Variants in ARMCX4 observed in about 807,000 individuals in gnomAD.
ARMCX4 encodes armadillo repeat-containing X-linked protein 4.
Under a neutral mutation model 34.7 loss-of-function variants are expected in ARMCX4, and 3 were observed. That is an observed-to-expected ratio of 0.09 (90% CI 0.04 to 0.22). The LOEUF is 0.22. Among genes scored for constraint, ARMCX4 ranks in the 10% least tolerant of loss-of-function variants. The pLI is 1.00. For synonymous variants in ARMCX4, 513 were observed against 632.8 expected, an observed-to-expected ratio of 0.81 and a Z score of 2.84; for missense variants, 1,448 against 1,720.8, an observed-to-expected ratio of 0.84 and a Z score of 2.81.
chrX:101,462,570 T>C (rs781851665), intron 4 of ARMCX4, among the ~76,000 whole-genome samples: 1 of 104,942 alleles, frequency 9.5e-6, no homozygotes, highest in Non-Finnish European at 2.0e-5. Context: ...AACCAGGGAG[T>C]TGGAGGTTGC....
intron 11 of ARMCX4, among the ~76,000 whole-genome samples, chrX:101,525,456 G>T (rs913179662): frequency 2.7e-5 from 3 of 111,998 alleles, no homozygotes; most frequent in Non-Finnish European, 5.6e-5. Context: ...AATGAAGCGG[G>T]ATGGAGAATG....
chrX:101,473,108 G>T (rs1387435385), intron 4 of ARMCX4, among the ~76,000 whole-genome samples: 26 of 111,263 alleles, frequency 2.3e-4, no homozygotes, highest in African/African-American at 8.5e-4. Context: ...AAGGGATGGA[G>T]GAAGATCTAC....
chrX:101,457,654 G>A (rs1932364775), intron 4 of ARMCX4, among the ~76,000 whole-genome samples: 1 of 110,925 alleles, frequency 9.0e-6, no homozygotes. Flanking sequence ...CCTGGGAGGT[G>A]GAGGCTGCAG....
chrX:101,519,581 A>T (rs1934808650), intron 11 of ARMCX4, among the ~76,000 whole-genome samples: 1 of 111,456 alleles, frequency 9.0e-6, no homozygotes, highest in Admixed American at 9.6e-5. Context: ...TTTGGTGGAC[A>T]TTTAGATTGT....
rs1934045460 is a variant in ARMCX4, at chrX:101,493,069, T to C, written c.4480T>C (p.Ser1494Pro). ...GDSRLGLRDQ[S>P]SGDSWAGTGD... is the part of the protein sequence containing the mutation. ...TTCTAGGCTGGGGCTTAGGGACCAG[T>C]CTAGTGGAGATTCCTGGGCTGGCAC... The change falls in exon 6 of 6, where the codon TCT becomes CCT. Residue 1494 changes from serine to proline, a missense_variant. Ser to Pro is a moderately conservative substitution (Grantham distance 74). This residue lies in a region of ARMCX4 where 1,343 missense variants were observed against 1,540.7 expected (regional missense o/e 0.87). Transcript: ENST00000423738. 1 of 1,151,094 alleles carries C rather than the reference T, an allele frequency of 8.7e-7. No individual in the cohort carries two copies. Among genetic ancestry groups the C allele is most frequent in the Admixed American group, 2.6e-5 (1 of 38,477 alleles). 94.9% of individuals were successfully genotyped at this position (1,151,094 alleles called of 1,213,427 possible).
chrX:101,496,567 AATTCTGGTATCC>A (rs2147681368), downstream of ARMCX4, among the ~76,000 whole-genome samples: 1 of 111,873 alleles, frequency 8.9e-6, no homozygotes, highest in East Asian at 2.8e-4. Context: ...CCTCTTTGCC[AATTCTGGTATCC>A]ATGTAAGTAA....
At chrX:101,497,947 G>A (rs1166304299), downstream of ARMCX4, among the ~76,000 whole-genome samples, 1 of 111,203 alleles carries the variant, frequency 9.0e-6, no homozygotes, top group Non-Finnish European at 1.9e-5. Context: ...CCAGGAGTGC[G>A]GCAAGTAGAC....
chrX:101,471,879 A>G (rs1932923028), intron 4 of ARMCX4, among the ~76,000 whole-genome samples: 1 of 109,767 alleles, frequency 9.1e-6, no homozygotes, highest in African/African-American at 3.3e-5. Flanking sequence ...GAAAAACTGG[A>G]AACTCTAAAA....
chrX:101,429,499 C>T (rs1032154991), intron 2 of ARMCX4, among the ~76,000 whole-genome samples: 83 of 109,386 alleles, frequency 7.6e-4, no homozygotes, highest in African/African-American at 2.6e-3. Context: ...CCATGCCTGG[C>T]TAATTTTTGT....
intron 2 of ARMCX4, among the ~76,000 whole-genome samples, chrX:101,441,747 T>C (rs1380055470): frequency 1.8e-5 from 2 of 111,232 alleles, no homozygotes; most frequent in African/African-American, 6.5e-5. Flanking sequence ...GCAAGATCAG[T>C]CAGAAAGTCT....
At chrX:101,467,554 G>A in intron 4 of ARMCX4, among the ~76,000 whole-genome samples, 1 of 112,066 alleles carries the variant, frequency 8.9e-6, no homozygotes, top group Non-Finnish European at 1.9e-5. Context: ...GGGTTAAGCT[G>A]GTGATGATGA....
downstream of ARMCX4, among the ~76,000 whole-genome samples, chrX:101,533,633 G>A (rs1464868165): frequency 2.7e-5 from 3 of 111,711 alleles, no homozygotes; most frequent in Non-Finnish European, 3.8e-5. Context: ...TAATCAAATT[G>A]TACTTAAAGT....
intron 11 of ARMCX4, among the ~76,000 whole-genome samples, chrX:101,524,969 C>T (rs1256691681): frequency 7.1e-5 from 8 of 111,966 alleles, no homozygotes; most frequent in Non-Finnish European, 1.5e-4. Flanking sequence ...GTAGTTTAGG[C>T]TCTGAGAATG....
downstream of ARMCX4, among the ~76,000 whole-genome samples, chrX:101,448,070 C>T (rs1931754406): frequency 9.0e-6 from 1 of 111,408 alleles, no homozygotes; most frequent in African/African-American, 3.3e-5. Flanking sequence ...TTTTAGCTCC[C>T]ACAAATAAGT....
intron 2 of ARMCX4, among the ~76,000 whole-genome samples, chrX:101,438,177 T>G (rs1299561069): frequency 1.8e-5 from 2 of 111,732 alleles, no homozygotes; most frequent in African/African-American, 6.5e-5. Context: ...GTCTATTAGG[T>G]CTTCTTGGTG....
intron 2 of ARMCX4, among the ~76,000 whole-genome samples, chrX:101,432,171 A>G (rs1555992185): frequency 2.7e-5 from 3 of 111,904 alleles, no homozygotes; most frequent in African/African-American, 9.8e-5. Flanking sequence ...TTATGGCTGT[A>G]GGCAGGTTCA....
At chrX:101,485,162 C>T (rs1933636704), upstream of ARMCX4, 1 of 111,429 alleles carries the variant, frequency 9.0e-6, no homozygotes, top group African/African-American at 3.3e-5. Context: ...CAGACCCTCC[C>T]CTGTAACTGA....
intron 2 of ARMCX4, among the ~76,000 whole-genome samples, chrX:101,420,557 A>G (rs1555989868): frequency 9.0e-6 from 1 of 111,576 alleles, no homozygotes; most frequent in African/African-American, 3.3e-5. Flanking sequence ...AGGAGGGTAC[A>G]TGGTGCAATG....
At chrX:101,478,970 A>G (rs1569330729) in intron 4 of ARMCX4, among the ~76,000 whole-genome samples, 1 of 111,195 alleles carries the variant, frequency 9.0e-6, no homozygotes, top group Non-Finnish European at 1.9e-5. Context: ...ATGTATATAC[A>G]TACACACACA....
Sources: gnomAD v4.1 joint callset for allele counts (sites outside exome capture counted in the v4.1 genomes callset) on GRCh38, gnomAD v4.1.1 for gene constraint, gnomAD v4.1.1 regional missense constraint, MANE v1.5 for transcripts, NCBI Gene and HGNC (gene_info 2026-07-23, HGNC 2026-07-21) for gene names.